AKT3: variants seen among roughly 807,000 people sequenced by gnomAD.
The protein encoded by AKT3 is RAC-gamma serine/threonine-protein kinase.
A neutral mutation model predicts 65.3 loss-of-function variants in AKT3; 15 were observed. That is an observed-to-expected ratio of 0.23 (90% confidence interval 0.15 to 0.35). AKT3 has a LOEUF of 0.35. Ranked by LOEUF, AKT3 falls within the 10% of genes least tolerant of loss-of-function variation. The pLI, the probability that AKT3 is intolerant of heterozygous loss-of-function variation, is 1.00. For synonymous variants in AKT3, 206 were observed against 183.8 expected, an observed-to-expected ratio of 1.12 and a Z score of -0.98; for missense variants, 243 against 576.5, an observed-to-expected ratio of 0.42 and a Z score of 5.92.
chr1:243,847,639 G>A (rs1235972410), intron 1 of AKT3, among the ~76,000 whole-genome samples: 1 of 152,102 alleles, frequency 6.6e-6, no homozygotes, highest in Non-Finnish European at 1.5e-5. Flanking sequence ...TCTATGCTAA[G>A]TCCATTTGTT....
At chr1:243,612,254 C>T (rs1050963285) in intron 8 of AKT3, among the ~76,000 whole-genome samples, 1 of 151,986 alleles carries the variant, frequency 6.6e-6, no homozygotes, top group Non-Finnish European at 1.5e-5. Context: ...AGTACAGGAG[C>T]TGGGTGTGTG....
intron 2 of AKT3, among the ~76,000 whole-genome samples, chr1:243,765,897 T>C (rs1689789400): frequency 6.6e-6 from 1 of 152,176 alleles, no homozygotes; most frequent in Admixed American, 6.6e-5. Context: ...GGTTTTTACC[T>C]ACTGCCACAG....
chr1:243,654,900 A>G (rs1261522836), intron 4 of AKT3, among the ~76,000 whole-genome samples: 2 of 152,030 alleles, frequency 1.3e-5, no homozygotes, highest in African/African-American at 4.8e-5. Flanking sequence ...TAGTCTAATG[A>G]GATTAGGGAT....
intron 2 of AKT3, among the ~76,000 whole-genome samples, chr1:243,818,728 C>CGCCAA (rs1693679471): frequency 6.6e-6 from 1 of 151,944 alleles, no homozygotes; most frequent in Non-Finnish European, 1.5e-5. Context: ...CAATGACAGG[C>CGCCAA]GCCAAGATGG....
At chr1:243,816,751 AG>A (rs1693550175) in intron 2 of AKT3, among the ~76,000 whole-genome samples, 1 of 152,196 alleles carries the variant, frequency 6.6e-6, no homozygotes, top group Admixed American at 6.5e-5. Context: ...TGGAAAATTA[AG>A]GGAAAAAAGA....
intron 3 of AKT3, among the ~76,000 whole-genome samples, chr1:243,680,194 G>A (rs1390666705): frequency 6.6e-6 from 1 of 152,072 alleles, no homozygotes; most frequent in Non-Finnish European, 1.5e-5. Flanking sequence ...ATGGGTTGGG[G>A]GGTGAGGGAG....
chr1:243,761,306 C>T lies in AKT3; in HGVS notation c.47-65590G>A, dbSNP rs149578033. Among the ~76,000 whole-genome samples the T allele has an allele frequency of 2.6e-5, 4 of 152,076 alleles. No individual in the cohort carries two copies. The East Asian group carries it at 5.8e-4, about 22-fold the overall frequency. ...AACAAATTTTGAGAACTGAAAAATA[C>T]GATGTCCAAAAATAAAGACTCAATG... On this transcript the variant is annotated intron_variant, in intron 2 of 13. Transcript: ENST00000673466.
intron 3 of AKT3, among the ~76,000 whole-genome samples, chr1:243,667,429 C>A (rs1682870142): frequency 6.6e-6 from 1 of 152,114 alleles, no homozygotes; most frequent in Admixed American, 6.5e-5. Context: ...CTTTCAATTG[C>A]CCAAGCTGAA....
chr1:243,587,622 CATAA>C (rs1675906014), intron 8 of AKT3, among the ~76,000 whole-genome samples: 2 of 152,004 alleles, frequency 1.3e-5, no homozygotes, highest in African/African-American at 2.4e-5. Flanking sequence ...AAAATACATA[CATAA>C]ATACATACAT....
intron 3 of AKT3, among the ~76,000 whole-genome samples, chr1:243,679,475 A>G (rs188876023): frequency 2.6e-5 from 4 of 152,362 alleles, no homozygotes; most frequent in Admixed American, 2.6e-4. Flanking sequence ...CATTGACATT[A>G]TATGTAAAAG....
In AKT3 at chr1:243,501,494, TAAATCCA is replaced by T. The variant is rs1669295876; in HGVS notation, c.*3748_*3754del. 4.3e-6 allele frequency: 1 copy of T among 233,130 alleles called. No individual in the cohort carries two copies. Among genetic ancestry groups the T allele is most frequent in the African/African-American group, 2.2e-5 (1 of 45,328 alleles). The allele number at this position is 233,130 out of a possible 1,614,324, so 14.4% of individuals were successfully genotyped here. On this transcript the variant is annotated 3_prime_UTR_variant, in exon 14 of 14. Coordinates refer to ENST00000673466, the MANE Select transcript of AKT3 (RefSeq NM_005465.7). ...CCCTGGCTTCACAGTACATCCATCCTAAATCCAGTGCTGAGAGGTCAGCGTTTCCCCT... is the reference window on the plus strand; with the variant it reads ...CCCTGGCTTCACAGTACATCCATCCTGTGCTGAGAGGTCAGCGTTTCCCCT...
intron 2 of AKT3, among the ~76,000 whole-genome samples, chr1:243,724,307 C>A (rs77182375): frequency 0.013 from 1,892 of 151,338 alleles, 16 homozygotes; most frequent in Non-Finnish European, 0.019. Context: ...TGCAGTTGTA[C>A]CATTTTCTAC....
At position 243,777,739 on chromosome 1, in the gene AKT3, C is replaced by T. The variant is rs560635235; in HGVS notation, c.46+65386G>A. ...TAAAATATATTAACAGGTGCCCCAT[C>T]TCTCATCTTTTTTGGAAGACATTAC... is the stretch of plus-strand genomic sequence containing the variant. On this transcript the variant is annotated intron_variant, in intron 2 of 13. Transcript: ENST00000673466. 7.2e-5 allele frequency among the ~76,000 whole-genome samples: 11 copies of T among 152,250 alleles called. No individual in the cohort carries two copies. The South Asian group carries it at 2.1e-3, about 29-fold the overall frequency.
chr1:243,743,609 A>C (rs752247526), intron 2 of AKT3, among the ~76,000 whole-genome samples: 12 of 152,212 alleles, frequency 7.9e-5, no homozygotes, highest in Non-Finnish European at 1.2e-4. Context: ...TAACATAGGA[A>C]AGTTTAATAT....
chr1:243,816,590 A>G (rs1017212708), intron 2 of AKT3, among the ~76,000 whole-genome samples: 12 of 152,230 alleles, frequency 7.9e-5, no homozygotes, highest in African/African-American at 4.8e-5. Context: ...TGTAGGATAC[A>G]TGACTAGTAA....
chr1:243,673,754 A>C (rs981286797), intron 3 of AKT3, among the ~76,000 whole-genome samples: 1 of 151,780 alleles, frequency 6.6e-6, no homozygotes, highest in Non-Finnish European at 1.5e-5. Flanking sequence ...AGCGAGGACT[A>C]CAGGCGTGCG....
At chr1:243,610,843 T>C (rs1156843665) in intron 8 of AKT3, among the ~76,000 whole-genome samples, 1 of 152,188 alleles carries the variant, frequency 6.6e-6, no homozygotes, top group African/African-American at 2.4e-5. Context: ...CTGCACCTAG[T>C]TTTTTTAACT....
At chr1:243,629,042 C>T (rs1055378468) in intron 6 of AKT3, among the ~76,000 whole-genome samples, 15 of 152,044 alleles carry the variant, frequency 9.9e-5, no homozygotes, top group African/African-American at 3.4e-4. Context: ...TTTGGGAGGC[C>T]GAGGCAGGTG....
intron 2 of AKT3, among the ~76,000 whole-genome samples, chr1:243,696,976 A>G (rs1235531844): frequency 6.6e-6 from 1 of 152,008 alleles, no homozygotes; most frequent in Non-Finnish European, 1.5e-5. Context: ...TATAAAGGGC[A>G]ATCTCACCCC....
Sources: gnomAD v4.1 joint callset for allele counts (sites outside exome capture counted in the v4.1 genomes callset) on GRCh38, gnomAD v4.1.1 for gene constraint, MANE v1.5 for transcripts, NCBI Gene and HGNC (gene_info 2026-07-23, HGNC 2026-07-21) for gene names.